TUBD1: variants seen among roughly 807,000 people sequenced by gnomAD.
TUBD1 encodes the protein tubulin delta chain.
Under a neutral mutation model 51.2 loss-of-function variants are expected in TUBD1, and 38 were observed. The ratio of observed to expected loss-of-function variants is 0.74; its 90% CI spans 0.57 to 0.97. TUBD1 has a LOEUF of 0.97. Among genes scored for constraint, TUBD1 ranks in the 50% least tolerant of loss-of-function variants. The pLI, the probability that TUBD1 is intolerant of heterozygous loss-of-function variation, is 0.00. For missense variants in TUBD1, 489 were observed against 538.4 expected (o/e 0.91, Z 0.91); for synonymous variants, 169 against 178.2 (o/e 0.95, Z 0.41).
At chr17:59,885,341 C>G (rs945565136) in intron 3 of TUBD1, 1 of 682,446 alleles carries the variant, frequency 1.5e-6, no homozygotes, top group Non-Finnish European at 2.7e-6. Flanking sequence ...GACATGTATA[C>G]CAGGAATATG....
chr17:59,868,388 A>G (rs2039813612), intron 6 of TUBD1, among the ~76,000 whole-genome samples: 2 of 151,546 alleles, frequency 1.3e-5, no homozygotes, highest in Admixed American at 6.6e-5. Flanking sequence ...TGATGGTGAG[A>G]GAAATAGGGT....
rs1006562123 is a variant in TUBD1 at position 59,859,985 on chromosome 17, A to G, written c.*337T>C. Reference sequence around the variant, plus strand: ...AATAGACTCAGCATTCTACGTGGTTACTTTAACAGAATGGAACTTTGAAAA... The same window carrying G: ...AATAGACTCAGCATTCTACGTGGTTGCTTTAACAGAATGGAACTTTGAAAA... On this transcript the variant is annotated 3_prime_UTR_variant, in exon 9 of 9. Coordinates refer to ENST00000325752, the MANE Select transcript of TUBD1 (RefSeq NM_016261.4). 30 of 162,676 alleles carry G rather than the reference A, an allele frequency of 1.8e-4. No homozygotes were observed. The highest frequency in any genetic ancestry group is 1.3e-4 in the Admixed American group (2 of 15,620). 10.1% of individuals were successfully genotyped at this position (162,676 alleles called of 1,614,324 possible).
At chr17:59,884,000 C>A (rs2040601132) in intron 3 of TUBD1, among the ~76,000 whole-genome samples, 1 of 152,048 alleles carries the variant, frequency 6.6e-6, no homozygotes, top group Non-Finnish European at 1.5e-5. Context: ...GTGGCTCATG[C>A]CTGTAATCCT....
intron 2 of TUBD1, among the ~76,000 whole-genome samples, chr17:59,889,677 A>G (rs1184731710): frequency 1.3e-5 from 2 of 150,216 alleles, no homozygotes; most frequent in Non-Finnish European, 3.0e-5. Flanking sequence ...TCAAAAAAAA[A>G]AAAAAAAAAA....
At chr17:59,890,123 GA>G (rs897278666) in intron 2 of TUBD1, among the ~76,000 whole-genome samples, 1 of 151,962 alleles carries the variant, frequency 6.6e-6, no homozygotes, top group East Asian at 1.9e-4. Flanking sequence ...ACAAGAAAAA[GA>G]AAAAAAGAAA....
intron 7 of TUBD1, 30 bp downstream of exon 7, chr17:59,866,578 GT>G: frequency 6.2e-7 from 1 of 1,611,542 alleles, no homozygotes; most frequent in East Asian, 2.2e-5. Flanking sequence ...GGTACAAAAT[GT>G]AAATCTTAAT....
rs184644269 is a variant in TUBD1, at chr17:59,880,698, T to C, written c.537+196A>G. On this transcript the variant is annotated intron_variant, in intron 4 of 8. Transcript: ENST00000325752. Reference sequence around the variant, plus strand: ...CCTGGCTAATTTTTTGTATTGTTAGTAGAGACGGGGTTTCACCATGTTAGC... The same window carrying C: ...CCTGGCTAATTTTTTGTATTGTTAGCAGAGACGGGGTTTCACCATGTTAGC... Among the ~76,000 whole-genome samples the C allele has an allele frequency of 4.4e-4, 67 of 151,822 alleles. 1 individual carries two copies. The highest frequency in any genetic ancestry group is 4.1e-3 in the Admixed American group (62 of 15,204).
chr17:59,888,431 G>A (rs1202565854), intron 2 of TUBD1, among the ~76,000 whole-genome samples: 1 of 152,208 alleles, frequency 6.6e-6, no homozygotes, highest in Non-Finnish European at 1.5e-5. Context: ...GATCTTGTTT[G>A]ATGGTATGTA....
chr17:59,863,623 A>G, intron 8 of TUBD1, 41 bp downstream of exon 8: 2 of 1,442,566 alleles, frequency 1.4e-6, no homozygotes, highest in Non-Finnish European at 1.8e-6. Flanking sequence ...TCTCAAAAAA[A>G]AAAAAAAAAA....
chr17:59,892,414 A>G (rs2041148545), intron 1 of TUBD1, among the ~76,000 whole-genome samples: 1 of 152,214 alleles, frequency 6.6e-6, no homozygotes, highest in South Asian at 2.1e-4. Flanking sequence ...ACATTAGAGC[A>G]GTTCCTCATT....
At position 59,880,953 on chromosome 17, in the gene TUBD1, C is replaced by T. The variant is rs750990553; in HGVS notation, c.478G>A (p.Asp160Asn). Residue 160 changes from aspartate (D) to asparagine (N), a missense_variant, in exon 4 of 9, where the codon GAT (aspartate) becomes AAT (asparagine). Physicochemically the swap from Asp to Asn is conservative, Grantham distance 23 (BLOSUM62 1). Coordinates refer to ENST00000325752, the MANE Select transcript of TUBD1 (RefSeq NM_016261.4). Reference sequence around the variant, plus strand: ...ATTTTCAATGAGTTTGAGTACTGATCTTCTAAATTCTGTGTAACGAAAGCT... The same window carrying T: ...ATTTTCAATGAGTTTGAGTACTGATTTTCTAAATTCTGTGTAACGAAAGCT... ...LGAFVTQNLE[D>N]QYSNSLKMNQ... The T allele has an allele frequency of 1.2e-6, 2 of 1,614,124 alleles. No homozygotes were observed. The highest frequency in any genetic ancestry group is 1.7e-6 in the Non-Finnish European group (2 of 1,180,030).
chr17:59,873,775 G>A (rs573658107), intron 6 of TUBD1, among the ~76,000 whole-genome samples: 3 of 152,266 alleles, frequency 2.0e-5, no homozygotes, highest in Non-Finnish European at 4.4e-5. Context: ...TGAGGCAGAA[G>A]AACTGCTTGA....
chr17:59,874,940 G>C (rs1316545686), intron 5 of TUBD1, among the ~76,000 whole-genome samples: 2 of 151,960 alleles, frequency 1.3e-5, no homozygotes, highest in African/African-American at 2.4e-5. Context: ...TTGCCAAAAA[G>C]CAAACTACAA....
Position 59,863,857 on chromosome 17 carries a change from A to G in TUBD1, c.1076-10T>C, listed in dbSNP as rs768745767. 6.8e-7 allele frequency: 1 copy of G among 1,480,406 alleles called. No individual in the cohort carries two copies. The highest frequency in any genetic ancestry group is 9.0e-7 in the Non-Finnish European group (1 of 1,114,274). The allele number at this position is 1,480,406 out of a possible 1,614,324, so 91.7% of individuals were successfully genotyped here. ...GGATCTTTAAATCCCTCTAGAGTAA[A>G]AACAAGATAAGCCGTCTTTTTATAG... On this transcript the variant is annotated splice_polypyrimidine_tract_variant and intron_variant, in intron 7 of 8. Coordinates refer to ENST00000325752, the MANE Select transcript of TUBD1 (RefSeq NM_016261.4).
intron 3 of TUBD1, among the ~76,000 whole-genome samples, chr17:59,883,328 G>T (rs1195319392): frequency 6.6e-6 from 1 of 151,658 alleles, no homozygotes; most frequent in Non-Finnish European, 1.5e-5. Context: ...GGAGTGCAAT[G>T]GTGTGACCTT....
chr17:59,874,756 AAT>A, intron 5 of TUBD1, 53 bp from the exon 6 acceptor site: 1 of 1,462,296 alleles, frequency 6.8e-7, no homozygotes, highest in South Asian at 1.2e-5. Flanking sequence ...CATTGTTGCC[AAT>A]AGTCTATATA....
chr17:59,861,195 A>ATT (rs34020172), intron 8 of TUBD1, among the ~76,000 whole-genome samples: 2,365 of 141,924 alleles, frequency 0.017, 66 homozygotes, highest in African/African-American at 0.056. Flanking sequence ...ACCCCACAAA[A>ATT]TTTTTTTTTT....
In TUBD1 at chr17:59,878,085, G is replaced by A. The variant is rs749768959; in HGVS notation, c.769+18C>T. On this transcript the variant is annotated intron_variant, in intron 5 of 8. Coordinates refer to ENST00000325752, the MANE Select transcript of TUBD1 (RefSeq NM_016261.4). ...AACATAAGGCTTTCCTATAATTAAC[G>A]TATAGAGGGACAAATACCTAGTGGA... The A allele has an allele frequency of 1.3e-5, 20 of 1,587,360 alleles. No individual in the cohort carries two copies. The highest frequency in any genetic ancestry group is 6.7e-5 in the African/African-American group (5 of 74,328).
intron 8 of TUBD1, among the ~76,000 whole-genome samples, chr17:59,861,929 G>C (rs1447040171): frequency 6.6e-6 from 1 of 151,412 alleles, no homozygotes; most frequent in Non-Finnish European, 1.5e-5. Flanking sequence ...GCCTCCCAAA[G>C]TGCTGGAATT....
Sources: allele counts gnomAD v4.1 joint callset (sites outside exome capture counted in the v4.1 genomes callset), GRCh38; gene constraint gnomAD v4.1.1; transcripts MANE v1.5; gene names NCBI Gene and HGNC (gene_info 2026-07-23, HGNC 2026-07-21).